Variants in ABTB3 observed in about 807,000 individuals in gnomAD.
ABTB3 encodes the protein ankyrin repeat- and BTB/POZ domain-containing protein 3.
chr12:107,382,390 G>A, the ABTB3 span, among the ~76,000 whole-genome samples: 11 of 152,272 alleles, frequency 7.2e-5, 2 homozygotes, highest in African/African-American at 2.6e-4. Flanking sequence ...GTGGGATTTG[G>A]CTCCTTTTTA....
the ABTB3 span, among the ~76,000 whole-genome samples, chr12:107,369,392 G>GTTTTTTTTTTTTTTTTT: frequency 7.4e-6 from 1 of 134,904 alleles, no homozygotes; most frequent in African/African-American, 2.8e-5. Context: ...TCAAACAAGG[G>GTTTTTTTTTTTTTTTTT]TTTTTTTTTT....
At chr12:107,340,332 C>T in the ABTB3 span, among the ~76,000 whole-genome samples, 1 of 152,158 alleles carries the variant, frequency 6.6e-6, no homozygotes. Flanking sequence ...AGAAAGGTAA[C>T]TCTGAGAGTT....
At chr12:107,431,361 A>G in the ABTB3 span, among the ~76,000 whole-genome samples, 1 of 152,218 alleles carries the variant, frequency 6.6e-6, no homozygotes, top group Non-Finnish European at 1.5e-5. Flanking sequence ...CTGTAATCCC[A>G]GCACTTTGGG....
chr12:107,634,005 C>A, the ABTB3 span, among the ~76,000 whole-genome samples: 1 of 152,322 alleles, frequency 6.6e-6, no homozygotes, highest in East Asian at 1.9e-4. Flanking sequence ...GTGAGGGGAG[C>A]ACCGAATGCC....
chr12:107,517,150 T>TC, the ABTB3 span, among the ~76,000 whole-genome samples: 1 of 152,198 alleles, frequency 6.6e-6, no homozygotes, highest in Non-Finnish European at 1.5e-5. Context: ...CTTGTTTTTG[T>TC]CAGGTTTGTC....
the ABTB3 span, among the ~76,000 whole-genome samples, chr12:107,455,035 G>A: frequency 6.6e-6 from 1 of 152,212 alleles, no homozygotes. Flanking sequence ...CCAAAGAGAA[G>A]AGACATTGCT....
chr12:107,340,404 G>A, the ABTB3 span, among the ~76,000 whole-genome samples: 22 of 152,310 alleles, frequency 1.4e-4, no homozygotes, highest in South Asian at 3.3e-3. Context: ...ACTGTGCAGG[G>A]CTATGCAGTT....
chr12:107,586,790 C>T, the ABTB3 span, among the ~76,000 whole-genome samples: 1 of 152,094 alleles, frequency 6.6e-6, no homozygotes, highest in South Asian at 2.1e-4. Flanking sequence ...CTGCTCTGTG[C>T]TTGGTTAGGT....
the ABTB3 span, among the ~76,000 whole-genome samples, chr12:107,351,685 G>C: frequency 6.6e-6 from 1 of 152,148 alleles, no homozygotes; most frequent in Non-Finnish European, 1.5e-5. Flanking sequence ...TGCAGCAAGA[G>C]GGCCCTCACC....
At chr12:107,509,100 T>C in the ABTB3 span, among the ~76,000 whole-genome samples, 1 of 152,162 alleles carries the variant, frequency 6.6e-6, no homozygotes. Flanking sequence ...AGCTCCTTGA[T>C]ACAGAGATGA....
chr12:107,583,565 C>T, the ABTB3 span, among the ~76,000 whole-genome samples: 1 of 152,158 alleles, frequency 6.6e-6, no homozygotes, highest in Non-Finnish European at 1.5e-5. Context: ...TCTCAGAGGA[C>T]ACTATCTTCT....
chr12:107,558,169 T>C, the ABTB3 span, among the ~76,000 whole-genome samples: 3 of 152,134 alleles, frequency 2.0e-5, no homozygotes, highest in South Asian at 2.1e-4. Flanking sequence ...CCAGAGATAG[T>C]GGGGGACGCA....
At chr12:107,610,454 G>C in the ABTB3 span, 1 of 1,393,298 alleles carries the variant, frequency 7.2e-7, no homozygotes, top group Non-Finnish European at 9.9e-7. Flanking sequence ...GCAGGCGCTG[G>C]GCAGAGGCTC....
chr12:107,531,333 T>C, the ABTB3 span, among the ~76,000 whole-genome samples: 2 of 152,222 alleles, frequency 1.3e-5, no homozygotes, highest in Admixed American at 1.3e-4. Context: ...ACATACCTTA[T>C]AGAGCACTGT....
chr12:107,465,270 A>G, the ABTB3 span, among the ~76,000 whole-genome samples: 15 of 152,250 alleles, frequency 9.9e-5, no homozygotes, highest in South Asian at 3.1e-3. Flanking sequence ...CACAGCGAGG[A>G]AGGCACCGCA....
At chr12:107,352,776 C>T in the ABTB3 span, among the ~76,000 whole-genome samples, 1 of 151,928 alleles carries the variant, frequency 6.6e-6, no homozygotes, top group Non-Finnish European at 1.5e-5. Context: ...AGAGTCAGGG[C>T]TGTGGGCAGA....
At chr12:107,318,671 G>A in the ABTB3 span, 1 of 456,152 alleles carries the variant, frequency 2.2e-6, no homozygotes, top group South Asian at 4.6e-5. Context: ...GCAAGCCCCG[G>A]CGGGAGCTTC....
the ABTB3 span, among the ~76,000 whole-genome samples, chr12:107,487,928 G>A: frequency 4.0e-5 from 6 of 151,726 alleles, no homozygotes; most frequent in Non-Finnish European, 7.4e-5. Flanking sequence ...AAGGGGGCCC[G>A]CTTTCAGGTT....
At chr12:107,379,673 CT>C in the ABTB3 span, among the ~76,000 whole-genome samples, 1 of 152,284 alleles carries the variant, frequency 6.6e-6, no homozygotes, top group East Asian at 1.9e-4. Context: ...TCTCTCATTC[CT>C]TTTCTTCCTT....
Sources: allele counts gnomAD v4.1 joint callset (sites outside exome capture counted in the v4.1 genomes callset), GRCh38; gene constraint gnomAD v4.1.1; transcripts MANE v1.5; gene names NCBI Gene and HGNC (gene_info 2026-07-23, HGNC 2026-07-21).